The following PTK2 variants were observed in gnomAD, a reference collection of about 807,000 sequenced individuals.
The protein encoded by PTK2 is protein tyrosine kinase 2.
In PTK2, 45 loss-of-function variants were observed where a neutral mutation model predicts 150.1. That is an observed-to-expected ratio of 0.30 (90% confidence interval 0.24 to 0.38). The LOEUF is 0.38. Ranked by LOEUF, PTK2 falls within the 10% of genes least tolerant of loss-of-function variation. The pLI, the probability that PTK2 is intolerant of heterozygous loss-of-function variation, is 1.00. For synonymous variants in PTK2, 432 were observed against 449.2 expected (o/e 0.96, Z 0.48); for missense variants, 919 against 1,307.3 (o/e 0.70, Z 4.58).
At chr8:140,923,353 T>C (rs967044376) in intron 2 of PTK2, among the ~76,000 whole-genome samples, 26 of 152,172 alleles carry the variant, frequency 1.7e-4, no homozygotes, top group African/African-American at 5.3e-4. Flanking sequence ...TAGCTGTATA[T>C]AAAATAACTG....
At chr8:140,987,962 T>C (rs962103515) in intron 1 of PTK2, among the ~76,000 whole-genome samples, 2 of 151,788 alleles carry the variant, frequency 1.3e-5, no homozygotes, top group Admixed American at 6.6e-5. Flanking sequence ...AGAGGATCAC[T>C]TGAGCCTGGG....
intron 1 of PTK2, among the ~76,000 whole-genome samples, chr8:140,956,056 G>GC (rs2100181087): frequency 6.6e-6 from 1 of 152,130 alleles, no homozygotes. Context: ...CCTCCACTAC[G>GC]CCCTATGCAC....
chr8:140,983,429 C>G (rs985650511), intron 1 of PTK2, among the ~76,000 whole-genome samples: 1 of 150,116 alleles, frequency 6.7e-6, no homozygotes, highest in African/African-American at 2.4e-5. Flanking sequence ...CATCAATGAT[C>G]TGAGAAACTG....
intron 3 of PTK2, among the ~76,000 whole-genome samples, chr8:140,887,989 G>A (rs1350365033): frequency 1.3e-5 from 2 of 152,100 alleles, no homozygotes; most frequent in African/African-American, 2.4e-5. Context: ...ACAATAAGCC[G>A]TATCATTTCA....
At chr8:140,700,796 C>T (rs1356593257) in intron 26 of PTK2, 95 bp downstream of exon 29, 1 of 1,477,640 alleles carries the variant, frequency 6.8e-7, no homozygotes, top group Non-Finnish European at 9.1e-7. Flanking sequence ...AACTAACTCT[C>T]CTGCTTTGAA....
intron 5 of PTK2, among the ~76,000 whole-genome samples, chr8:140,861,400 A>C (rs1250789128): frequency 6.6e-6 from 1 of 152,200 alleles, no homozygotes; most frequent in Non-Finnish European, 1.5e-5. Context: ...CATATAATTT[A>C]ACAGATTTTT....
intron 22 of PTK2, among the ~76,000 whole-genome samples, chr8:140,720,614 A>T (rs1362772606): frequency 6.6e-6 from 1 of 152,208 alleles, no homozygotes; most frequent in Non-Finnish European, 1.5e-5. Flanking sequence ...TCTAAATGAA[A>T]ATTAGACAAC....
intron 1 of PTK2, among the ~76,000 whole-genome samples, chr8:140,973,188 C>A (rs2100187995): frequency 6.6e-6 from 1 of 152,164 alleles, no homozygotes; most frequent in Non-Finnish European, 1.5e-5. Flanking sequence ...GGATTAACCG[C>A]CTTGCTCAAA....
intron 16 of PTK2, among the ~76,000 whole-genome samples, chr8:140,754,001 T>C (rs1228423128): frequency 6.6e-6 from 1 of 152,260 alleles, no homozygotes; most frequent in Non-Finnish European, 1.5e-5. Flanking sequence ...TGTCGCATAC[T>C]TTCAAAATAC....
intron 5 of PTK2, among the ~76,000 whole-genome samples, chr8:140,854,474 G>A (rs974325730): frequency 1.3e-5 from 2 of 152,040 alleles, no homozygotes; most frequent in African/African-American, 4.8e-5. Flanking sequence ...AACGTTACAC[G>A]GTAAAGAAAA....
intron 25 of PTK2, among the ~76,000 whole-genome samples, chr8:140,701,895 G>A (rs952437633): frequency 1.3e-5 from 2 of 152,092 alleles, no homozygotes; most frequent in Admixed American, 1.3e-4. Flanking sequence ...GGGAGGGTGA[G>A]GTGGGTGGAT....
At chr8:140,800,661 T>C (rs1426153576) in intron 11 of PTK2, 85 bp from the exon 12 acceptor site, 10 of 994,444 alleles carry the variant, frequency 1.0e-5, no homozygotes, top group Admixed American at 3.5e-5. Context: ...CAGACATCTC[T>C]ATACACTTGA....
intron 1 of PTK2, among the ~76,000 whole-genome samples, chr8:140,979,727 G>A (rs765657840): frequency 6.6e-6 from 1 of 152,130 alleles, no homozygotes; most frequent in African/African-American, 2.4e-5. Flanking sequence ...TCTTTCCCGT[G>A]ATGTTCTCGT....
At chr8:140,983,615 A>C (rs1459730654) in intron 1 of PTK2, among the ~76,000 whole-genome samples, 3 of 151,662 alleles carry the variant, frequency 2.0e-5, no homozygotes, top group Non-Finnish European at 2.9e-5. Context: ...GTATTCCTCC[A>C]GTACAAGAAG....
intron 1 of PTK2, among the ~76,000 whole-genome samples, chr8:141,000,087 T>TCACTCA (rs1555522724): frequency 3.7e-5 from 3 of 81,650 alleles, no homozygotes; most frequent in African/African-American, 1.4e-4. Context: ...TGAAACCAAT[T>TCACTCA]CACACACACA....
intron 7 of PTK2, among the ~76,000 whole-genome samples, chr8:140,835,959 C>T (rs2100118445): frequency 6.6e-6 from 1 of 151,958 alleles, no homozygotes; most frequent in Non-Finnish European, 1.5e-5. Flanking sequence ...GTGAGTACTC[C>T]CTGTGACGAG....
intron 2 of PTK2, among the ~76,000 whole-genome samples, chr8:140,899,337 A>G (rs926949534): frequency 6.6e-6 from 1 of 152,214 alleles, no homozygotes; most frequent in African/African-American, 2.4e-5. Context: ...CTCAGCCACT[A>G]TACTGATTAC....
intron 12 of PTK2, among the ~76,000 whole-genome samples, chr8:140,795,075 T>C (rs1323252172): frequency 1.3e-5 from 2 of 152,338 alleles, no homozygotes; most frequent in East Asian, 3.9e-4. Flanking sequence ...CAAAGTCCTC[T>C]TACTTGTCAC....
At position 140,889,812 on chromosome 8, in the gene PTK2, T is replaced by C. The variant is rs185782049; in HGVS notation, c.195+731A>G. ...TGAACTCAGCTTTCTGAAATCACAG[T>C]GCTACCTTTTCATTCCCCACCTTCA... is the stretch of plus-strand genomic sequence containing the variant. On this transcript the variant is annotated intron_variant, in intron 3 of 31. Transcript: ENST00000522684. Among the ~76,000 whole-genome samples, 518 of 152,262 alleles carry C rather than the reference T, an allele frequency of 3.4e-3. 4 individuals carry two copies. Among genetic ancestry groups the C allele is most frequent in the African/African-American group, 0.012 (503 of 41,550 alleles).
Sources: gnomAD v4.1 joint callset for allele counts (sites outside exome capture counted in the v4.1 genomes callset) on GRCh38, gnomAD v4.1.1 for gene constraint, MANE v1.5 for transcripts, NCBI Gene and HGNC (gene_info 2026-07-23, HGNC 2026-07-21) for gene names.